The following ADGRL2 variants were observed in gnomAD, a reference collection of about 807,000 sequenced individuals.
ADGRL2 encodes adhesion G protein-coupled receptor L2, also known as calcium-independent alpha-latrotoxin receptor 2.
ADGRL2 carries 44 observed loss-of-function variants against 157.4 expected under a neutral mutation model. That is an observed-to-expected ratio of 0.28 (90% CI 0.22 to 0.36). The LOEUF is 0.36. Ranked by LOEUF, ADGRL2 falls within the 10% of genes least tolerant of loss-of-function variation. The pLI is 1.00. For missense variants in ADGRL2, 1,510 were observed against 1,768.9 expected (o/e 0.85, Z 2.63); for synonymous variants, 585 against 624.7 (o/e 0.94, Z 0.95).
At chr1:81,675,719 T>C (rs2082973218) in intron 3 of ADGRL2, among the ~76,000 whole-genome samples, 1 of 151,860 alleles carries the variant, frequency 6.6e-6, no homozygotes, top group Non-Finnish European at 1.5e-5. Flanking sequence ...GTAGCTGGGA[T>C]TACAGGCGTG....
chr1:81,964,472 A>G (rs1656450189), intron 11 of ADGRL2, among the ~76,000 whole-genome samples: 1 of 152,130 alleles, frequency 6.6e-6, no homozygotes, highest in Non-Finnish European at 1.5e-5. Flanking sequence ...TAAGTGTATC[A>G]ACCAGTTTCT....
Position 81,950,440 on chromosome 1 carries a change from A to G in ADGRL2, c.1462A>G (p.Arg488Gly). 6.2e-7 allele frequency: 1 copy of G among 1,614,004 alleles called. No individual in the cohort carries two copies. The highest frequency in any genetic ancestry group is 2.2e-5 in the East Asian group (1 of 44,864). ...GGGGATAAAGTGGCCTCAGACACAA[A>G]GGGGAATGATGGTTGAACGACCATG... is the stretch of plus-strand genomic sequence containing the variant. Reference protein sequence around the residue: ...SKGIKWPQTQRGMMVERPCPK... With the variant: ...SKGIKWPQTQGGMMVERPCPK... Residue 488 changes from arginine (R) to glycine (G), a missense_variant, in exon 7 of 24, where the codon AGG becomes GGG. By Grantham distance (125) the Arg-to-Gly change is moderately radical. Coordinates refer to ENST00000686636, the MANE Select transcript of ADGRL2 (RefSeq NM_001366006.2).
At chr1:81,809,220 C>G (rs1356771466) in intron 1 of ADGRL2, among the ~76,000 whole-genome samples, 1 of 151,902 alleles carries the variant, frequency 6.6e-6, no homozygotes, top group Non-Finnish European at 1.5e-5. Context: ...AATTAGTTAT[C>G]TTAAAAGAAG....
chr1:81,378,033 G>T (rs2076279679), intron 1 of ADGRL2, among the ~76,000 whole-genome samples: 1 of 152,052 alleles, frequency 6.6e-6, no homozygotes, highest in African/African-American at 2.4e-5. Context: ...ACAAAAATTA[G>T]CTGGGCGTGG....
At position 81,325,872 on chromosome 1, in the gene ADGRL2, C is replaced by T. The variant is rs111397450; in HGVS notation, c.-302+19363C>T. ...TACTGAAGGGCTCTACCCCCAATAACTCCATGGAGGATGAGAAATGGTGAT... is the reference window on the plus strand; with the variant it reads ...TACTGAAGGGCTCTACCCCCAATAATTCCATGGAGGATGAGAAATGGTGAT... On this transcript the variant is annotated intron_variant, in intron 1 of 24. Coordinates refer to the ADGRL2 transcript ENST00000370721. Among the ~76,000 whole-genome samples, 377 of 152,312 alleles carry T rather than the reference C, an allele frequency of 2.5e-3. 2 individuals are homozygous for T. Among genetic ancestry groups the T allele is most frequent in the African/African-American group, 8.6e-3 (357 of 41,572 alleles).
intron 21 of ADGRL2, among the ~76,000 whole-genome samples, chr1:81,986,072 G>A (rs2149491846): frequency 6.6e-6 from 1 of 152,138 alleles, no homozygotes; most frequent in East Asian, 1.9e-4. Context: ...AAAGGTGTAT[G>A]TGTGGTAGCA....
chr1:81,544,467 A>AT (rs2079965069), intron 2 of ADGRL2, among the ~76,000 whole-genome samples: 1 of 152,080 alleles, frequency 6.6e-6, no homozygotes, highest in Non-Finnish European at 1.5e-5. Context: ...GGATACTTGG[A>AT]TTTTTCCAAA....
At chr1:81,679,212 G>A (rs1325912903) in intron 3 of ADGRL2, among the ~76,000 whole-genome samples, 3 of 152,136 alleles carry the variant, frequency 2.0e-5, no homozygotes, top group Admixed American at 2.0e-4. Context: ...AGGTGTAAGA[G>A]GAGTCAGTGT....
chr1:81,811,521 T>C (rs1208372307), intron 1 of ADGRL2, among the ~76,000 whole-genome samples: 1 of 151,754 alleles, frequency 6.6e-6, no homozygotes, highest in Non-Finnish European at 1.5e-5. Context: ...TTCTGTTTTT[T>C]GCTCCCTTGG....
At chr1:81,310,714 G>C (rs1421853744) in intron 1 of ADGRL2, among the ~76,000 whole-genome samples, 5 of 152,024 alleles carry the variant, frequency 3.3e-5, no homozygotes, top group Non-Finnish European at 7.4e-5. Context: ...GTCGACCATT[G>C]GTATGGGAAA....
chr1:81,901,588 T>A (rs574692292), intron 2 of ADGRL2, among the ~76,000 whole-genome samples: 52 of 151,418 alleles, frequency 3.4e-4, no homozygotes, highest in Admixed American at 1.3e-3. Context: ...ATATATTTTT[T>A]TTTTTGATGA....
Position 81,985,322 on chromosome 1 carries a change from G to A in ADGRL2, c.3475G>A (p.Gly1159Ser), listed in dbSNP as rs1363767412. 1 of 1,606,370 alleles carries A rather than the reference G, an allele frequency of 6.2e-7. No homozygotes were observed. Among genetic ancestry groups the A allele is most frequent in the African/African-American group, 1.3e-5 (1 of 74,582 alleles). ...ACAATCAGAATCTTCTTTTATCTCA[G>A]GTGACATCAATAGCACTTCAACACT... Reference protein sequence around the residue: ...RKQSESSFISGDINSTSTLNQ... With the variant: ...RKQSESSFISSDINSTSTLNQ... Residue 1159 changes from glycine to serine, a missense_variant, in exon 21 of 24, where the codon GGT becomes AGT. Transcript: ENST00000686636.
At chr1:81,841,877 G>T (rs1295180861) in intron 2 of ADGRL2, among the ~76,000 whole-genome samples, 1 of 152,194 alleles carries the variant, frequency 6.6e-6, no homozygotes, top group Admixed American at 6.5e-5. Flanking sequence ...ACAATGAGCA[G>T]TTGTAATAAG....
At chr1:81,388,573 T>C (rs1246743136) in intron 1 of ADGRL2, among the ~76,000 whole-genome samples, 1 of 152,126 alleles carries the variant, frequency 6.6e-6, no homozygotes, top group Non-Finnish European at 1.5e-5. Flanking sequence ...ATGAATTTGG[T>C]GGTGGAGACT....
At chr1:81,343,556 C>G (rs745453169) in intron 1 of ADGRL2, among the ~76,000 whole-genome samples, 1 of 152,176 alleles carries the variant, frequency 6.6e-6, no homozygotes, top group South Asian at 2.1e-4. Flanking sequence ...GCTTAAACAA[C>G]TAATCCTTAT....
chr1:81,548,897 A>G (rs895749488), intron 2 of ADGRL2, among the ~76,000 whole-genome samples: 6 of 152,206 alleles, frequency 3.9e-5, no homozygotes, highest in African/African-American at 1.4e-4. Flanking sequence ...GACATTTCAA[A>G]AAACAGAAGG....
At chr1:81,429,511 G>T (rs139007005) in intron 1 of ADGRL2, among the ~76,000 whole-genome samples, 111 of 152,256 alleles carry the variant, frequency 7.3e-4, no homozygotes, top group Non-Finnish European at 1.1e-3. Context: ...ACTAGCCATT[G>T]GTTGCCTGTC....
At chr1:81,859,551 TG>T (rs1262940043) in intron 2 of ADGRL2, among the ~76,000 whole-genome samples, 1 of 151,708 alleles carries the variant, frequency 6.6e-6, no homozygotes, top group Non-Finnish European at 1.5e-5. Flanking sequence ...GGACTACATG[TG>T]TGCACCACCA....
chr1:81,685,462 A>G (rs1249749978), intron 3 of ADGRL2, among the ~76,000 whole-genome samples: 2 of 152,068 alleles, frequency 1.3e-5, no homozygotes, highest in African/African-American at 2.4e-5. Flanking sequence ...TAGAAAAGCT[A>G]CTGAATTGTG....
Sources: gnomAD v4.1 joint callset for allele counts (sites outside exome capture counted in the v4.1 genomes callset) on GRCh38, gnomAD v4.1.1 for gene constraint, MANE v1.5 for transcripts, NCBI Gene and HGNC (gene_info 2026-07-23, HGNC 2026-07-21) for gene names.